Variants in TINF2 observed in about 807,000 individuals in gnomAD.
TINF2 encodes TERF1-interacting nuclear factor 2.
TINF2 carries 27 observed loss-of-function variants against 50.4 expected under a neutral mutation model. The ratio of observed to expected loss-of-function variants is 0.54; its 90% confidence interval spans 0.40 to 0.74. The LOEUF (loss-of-function observed/expected upper bound fraction) is 0.74. TINF2 is among the 30% of genes least tolerant of loss of function. The pLI, the probability that TINF2 is intolerant of heterozygous loss-of-function variation, is 0.00. For synonymous variants in TINF2, 223 were observed against 214.6 expected (o/e 1.04, Z -0.34); for missense variants, 496 against 551.5 (o/e 0.90, Z 1.01).
Position 24,240,752 on chromosome 14 carries a change from C to T in TINF2, c.728G>A (p.Gly243Glu), listed in dbSNP as rs1300852791. The T allele has an allele frequency of 1.2e-6, 2 of 1,613,440 alleles. No individual in the cohort carries two copies. Among genetic ancestry groups the T allele is most frequent in the Non-Finnish European group, 1.7e-6 (2 of 1,179,758 alleles). ...KAKPGTHLPQGPSSRTHPEPL... is the reference protein window; with the variant it reads ...KAKPGTHLPQEPSSRTHPEPL... The stretch of plus-strand genomic sequence containing the variant: ...TTCTGGGTGCGTCCTTGAAGATGGT[C>T]CCTGAGGAAGATGTGTGCCAGGCTT... Residue 243 changes from glycine to glutamate, a missense_variant, in exon 6 of 9, where the codon GGA (glycine) becomes GAA (glutamate). Gly to Glu is a moderately conservative substitution (Grantham distance 98). Coordinates refer to ENST00000267415, the MANE Select transcript of TINF2 (RefSeq NM_001099274.3).
chr14:24,242,596 G>A lies in TINF2; in HGVS notation c.-264C>T. On this transcript the variant is annotated 5_prime_UTR_variant, in exon 1 of 9. Transcript: ENST00000267415. ...ACTGGGTCGCTCAGCTTTAAACGTC[G>A]CCGCTGTCTCGAGCCCGAGGGTGCC... The A allele has an allele frequency of 1.5e-6, 2 of 1,323,818 alleles. No homozygotes were observed. The highest frequency in any genetic ancestry group is 1.9e-6 in the Non-Finnish European group (2 of 1,036,500). 82.0% of individuals were successfully genotyped at this position (1,323,818 alleles called of 1,614,324 possible). A position where few individuals can be genotyped will look rare whatever the true frequency, so the allele number is the denominator to read the frequency against.
rs369926102 is a variant in TINF2, at chr14:24,240,678, C to G, written c.802G>C (p.Val268Leu). The G allele has an allele frequency of 8.1e-6, 13 of 1,614,058 alleles. No homozygotes were observed. The highest frequency in any genetic ancestry group is 3.3e-5 in the Admixed American group (2 of 60,004). Residue 268 changes from valine (V) to leucine (L), a missense_variant, in exon 6 of 9, where the codon GTT (valine) becomes CTT (leucine). By Grantham distance (32) the Val-to-Leu change is conservative. This residue lies in a region of TINF2 where 314 missense variants were observed against 343.8 expected (regional missense o/e 0.91). Transcript: ENST00000267415. ...FNLAPLGRRR[V>L]QSQWASTRGG... ...CTAGTGGAGGCCCATTGGGACTGAA[C>G]TCTTCGTCGGCCTAGAGGGGCCAGA...
Position 24,239,655 on chromosome 14 carries a change from C to T in TINF2, c.*142G>A, listed in dbSNP as rs1327215665. 4 of 1,557,068 alleles carry T rather than the reference C, an allele frequency of 2.6e-6. No homozygotes were observed. The highest frequency in any genetic ancestry group is 2.3e-5 in the East Asian group (1 of 42,602). On this transcript the variant is annotated 3_prime_UTR_variant, in exon 9 of 9. Coordinates refer to ENST00000267415, the MANE Select transcript of TINF2 (RefSeq NM_001099274.3). Reference sequence around the variant, plus strand: ...CATCAAGGCAGTATTTTAACAAATCCAAAGTTTAATTATTAAGGATTACAA... The same window carrying T: ...CATCAAGGCAGTATTTTAACAAATCTAAAGTTTAATTATTAAGGATTACAA...
rs1167790409 is a variant in TINF2, at chr14:24,240,432, T to C, written c.1048A>G (p.Thr350Ala). 1.2e-6 allele frequency: 2 copies of C among 1,614,192 alleles called. No homozygotes were observed. The highest frequency in any genetic ancestry group is 3.3e-5 in the Admixed American group (2 of 60,022). ...TGTTCCACTCACTCCTTTTGCTCTG[T>C]GGCAGGCAAGTCAACTGGGTTCTCC... ...LKENPVDLPA[T>A]EQKENCLDCY... Residue 350 changes from threonine (T) to alanine (A), a missense_variant, in exon 6 of 9, where the codon ACA (threonine) becomes GCA (alanine). Physicochemically the swap from Thr to Ala is moderately conservative, Grantham distance 58. This residue lies in a region of TINF2 where 179 missense variants were observed against 188.3 expected (regional missense o/e 0.95). Transcript: ENST00000267415.
rs1407938917 is a variant in TINF2, at chr14:24,239,908, C to T, written c.1245G>A (p.Lys415=). Residue 415 remains lysine, a synonymous_variant, in exon 9 of 9, where the codon AAG becomes AAA. Transcript: ENST00000267415. The part of the protein sequence containing the change: ...EGKESLENYQ[K]TKFDTLIPTL... ...TGGGTATCAAGGTGTCAAACTTTGTCTTCTGATAGTTTTCCAGAGATTCCT... is the reference window on the plus strand; with the variant it reads ...TGGGTATCAAGGTGTCAAACTTTGTTTTCTGATAGTTTTCCAGAGATTCCT... 4.3e-6 allele frequency: 7 copies of T among 1,614,148 alleles called. No homozygotes were observed. Among genetic ancestry groups the T allele is most frequent in the South Asian group, 1.1e-5 (1 of 91,080 alleles).
chr14:24,241,428 G>C (rs1345964539), intron 3 of TINF2, 117 bp from the exon 4 acceptor site: 2 of 1,036,324 alleles, frequency 1.9e-6, no homozygotes, highest in Non-Finnish European at 3.0e-6. Flanking sequence ...TCAGGAGTTC[G>C]AGACCAGCCT....
Position 24,239,779 on chromosome 14 carries a change from G to A in TINF2, c.*18C>T, listed in dbSNP as rs1268484351. The A allele has an allele frequency of 1.9e-6, 3 of 1,614,070 alleles. No homozygotes were observed. The highest frequency in any genetic ancestry group is 2.5e-6 in the Non-Finnish European group (3 of 1,180,044). On this transcript the variant is annotated 3_prime_UTR_variant, in exon 9 of 9. Transcript: ENST00000267415. Reference sequence around the variant, plus strand: ...TGAGGAGGCAGGAGACTAGAGTACAGAGAGCATTTTAGTTCTATCACAAAG... The same window carrying A: ...TGAGGAGGCAGGAGACTAGAGTACAAAGAGCATTTTAGTTCTATCACAAAG...
Position 24,240,318 on chromosome 14 carries a change from A to G in TINF2, c.1074T>C (p.Asp358=), listed in dbSNP as rs886050430. 6.2e-7 allele frequency: 1 copy of G among 1,614,026 alleles called. No individual in the cohort carries two copies. Among genetic ancestry groups the G allele is most frequent in the Middle Eastern group, 1.6e-4 (1 of 6,062 alleles). Reference sequence around the variant, plus strand: ...ATAGTCTCAGGGGGTCCATGTAGCAATCCAAGCAATTCCTGAGGTGAGAGC... The same window carrying G: ...ATAGTCTCAGGGGGTCCATGTAGCAGTCCAAGCAATTCCTGAGGTGAGAGC... The part of the protein sequence containing the change: ...PATEQKENCL[D]CYMDPLRLSL... The change falls in exon 7 of 9, where the codon GAT becomes GAC. Residue 358 remains aspartate, a synonymous_variant. Transcript: ENST00000267415.
Position 24,241,771 on chromosome 14 carries a change from C to T in TINF2, c.303G>A (p.Lys101=). The T allele has an allele frequency of 6.2e-7, 1 of 1,613,868 alleles. No individual in the cohort carries two copies. Among genetic ancestry groups the T allele is most frequent in the Non-Finnish European group, 8.5e-7 (1 of 1,179,884 alleles). Residue 101 remains lysine (K), a synonymous_variant, in exon 3 of 9, where the codon AAG becomes AAA. Transcript: ENST00000267415. The part of the protein sequence containing the change: ...GPIVRDPKAT[K]QDLRKILEAQ... ...CCTCCAAAATCTTCCTCAGATCCTG[C>T]TTTGTCTGTTGAGGATACAGAAGAC...
In TINF2 at chr14:24,240,162, G is replaced by A. The variant is rs772815984; in HGVS notation, c.1130-7C>T. On this transcript the variant is annotated splice_polypyrimidine_tract_variant and splice_region_variant and intron_variant, in intron 7 of 8. Transcript: ENST00000267415. The stretch of plus-strand genomic sequence containing the variant: ...CACAGAGACGGAGGACACACTGTAG[G>A]AGGGAAACCAGAATCAAACTACTAC... The A allele has an allele frequency of 5.6e-6, 9 of 1,614,060 alleles. 1 individual carries two copies. In the South Asian group the frequency reaches 9.9e-5, roughly 18 times the overall value.
chr14:24,242,660 A>T, upstream of TINF2: 1 of 1,173,416 alleles, frequency 8.5e-7, no homozygotes, highest in African/African-American at 1.6e-5. Context: ...TTGCCCCGGA[A>T]AAGGGCGGTA....
In TINF2 at chr14:24,241,432, C is replaced by T. The variant is rs1235106186; in HGVS notation, c.400-121G>A. 4.0e-6 allele frequency: 4 copies of T among 987,778 alleles called. No homozygotes were observed. The Admixed American group carries it at 5.6e-5, about 14-fold the overall frequency. 61.2% of individuals were successfully genotyped at this position (987,778 alleles called of 1,614,324 possible). A position where few individuals can be genotyped will look rare whatever the true frequency, so the allele number is the denominator to read the frequency against. ...ATCACTTGAGGTCAGGAGTTCGAGA[C>T]CAGCCTGGCCAACATGGTGAAACCC... On this transcript the variant is annotated intron_variant, in intron 3 of 8. Coordinates refer to ENST00000267415, the MANE Select transcript of TINF2 (RefSeq NM_001099274.3).
In TINF2 at chr14:24,242,565, A is replaced by G; in HGVS notation, c.-233T>C. The G allele has an allele frequency of 1.4e-6, 2 of 1,397,596 alleles. No homozygotes were observed. Among genetic ancestry groups the G allele is most frequent in the Non-Finnish European group, 1.9e-6 (2 of 1,077,826 alleles). 86.6% of individuals were successfully genotyped at this position (1,397,596 alleles called of 1,614,324 possible). A position where few individuals can be genotyped will look rare whatever the true frequency, so the allele number is the denominator to read the frequency against. The stretch of plus-strand genomic sequence containing the variant: ...CTGAGTGGAGAAGCTGACCGTCTCC[A>G]GTGGCACTGGGTCGCTCAGCTTTAA... On this transcript the variant is annotated 5_prime_UTR_variant, in exon 1 of 9. Coordinates refer to ENST00000267415, the MANE Select transcript of TINF2 (RefSeq NM_001099274.3).
chr14:24,239,936 A>C lies in TINF2; in HGVS notation c.1222-5T>G, dbSNP rs763885098. 1.7e-5 allele frequency: 28 copies of C among 1,614,098 alleles called. No individual in the cohort carries two copies. The highest frequency in any genetic ancestry group is 2.4e-5 in the Non-Finnish European group (28 of 1,180,042). On this transcript the variant is annotated splice_region_variant and splice_polypyrimidine_tract_variant and intron_variant, in intron 8 of 8. Coordinates refer to ENST00000267415, the MANE Select transcript of TINF2 (RefSeq NM_001099274.3). Reference sequence around the variant, plus strand: ...CTGATAGTTTTCCAGAGATTCCTGTAGAGAAGGGAGCAGGGAGAGCCTACT... The same window carrying C: ...CTGATAGTTTTCCAGAGATTCCTGTCGAGAAGGGAGCAGGGAGAGCCTACT...
At chr14:24,241,532 G>T in intron 3 of TINF2, 143 bp downstream of exon 3, 2 of 822,698 alleles carry the variant, frequency 2.4e-6, no homozygotes, top group Non-Finnish European at 4.0e-6. Context: ...CAGGAGAATC[G>T]CTTGAACCCG....
chr14:24,240,683 C>T lies in TINF2; in HGVS notation c.797G>A (p.Arg266Gln), dbSNP rs200025766. 4 of 1,614,112 alleles carry T rather than the reference C, an allele frequency of 2.5e-6. No homozygotes were observed. The highest frequency in any genetic ancestry group is 1.3e-5 in the African/African-American group (1 of 75,028). ...RHFNLAPLGR[R>Q]RVQSQWASTR... ...GGAGGCCCATTGGGACTGAACTCTT[C>T]GTCGGCCTAGAGGGGCCAGATTGAA... Residue 266 changes from arginine to glutamine, a missense_variant, in exon 6 of 9, where the codon CGA (arginine) becomes CAA (glutamine). Physicochemically the swap from Arg to Gln is conservative, Grantham distance 43. Around this residue, in one of 3 missense-constraint regions of TINF2, gnomAD observed 314 missense variants for 343.8 expected, o/e 0.91. Coordinates refer to ENST00000267415, the MANE Select transcript of TINF2 (RefSeq NM_001099274.3).
In TINF2 at chr14:24,242,220, A is replaced by G. The variant is rs1470335454; in HGVS notation, c.113T>C (p.Leu38Pro). The G allele has an allele frequency of 6.2e-7, 1 of 1,614,252 alleles. No individual in the cohort carries two copies. ...AGGGGCAACAGCGCGCAGAGATCGCAGAAACTCCAGTACTCGCGGAAAATG... is the reference window on the plus strand; with the variant it reads ...AGGGGCAACAGCGCGCAGAGATCGCGGAAACTCCAGTACTCGCGGAAAATG... ...VEHFPRVLEF[L>P]RSLRAVAPGL... Residue 38 changes from leucine to proline, a missense_variant, in exon 1 of 9, where the codon CTG becomes CCG. Physicochemically the swap from Leu to Pro is moderately conservative, Grantham distance 98. This residue lies in a region of TINF2 where 314 missense variants were observed against 343.8 expected (regional missense o/e 0.91). Transcript: ENST00000267415.
At chr14:24,241,572 G>C in intron 3 of TINF2, 103 bp downstream of exon 3, 1 of 1,022,616 alleles carries the variant, frequency 9.8e-7, no homozygotes, top group South Asian at 1.4e-5. Flanking sequence ...AGCCGAGATT[G>C]TGCCACTGCA....
chr14:24,242,075 C>T (rs1194728748), intron 1 of TINF2, 66 bp downstream of exon 1: 5 of 1,614,126 alleles, frequency 3.1e-6, no homozygotes, highest in Non-Finnish European at 4.2e-6. Flanking sequence ...GCTGTGGGCC[C>T]TTGTCAGGTG....
Sources: allele counts gnomAD v4.1 joint callset, GRCh38; gene constraint gnomAD v4.1.1; regional missense constraint gnomAD v4.1.1; transcripts MANE v1.5; gene names NCBI Gene and HGNC (gene_info 2026-07-23, HGNC 2026-07-21).